The following RTEL1 variants were observed in gnomAD, a reference collection of about 807,000 sequenced individuals.
RTEL1 encodes regulator of telomere length.
RTEL1 carries 86 observed loss-of-function variants against 162.2 expected under a neutral mutation model. That is an observed-to-expected ratio of 0.53 (90% confidence interval 0.45 to 0.63). The LOEUF is 0.63. Among genes scored for constraint, RTEL1 ranks in the 30% least tolerant of loss-of-function variants. The pLI, the probability that RTEL1 is intolerant of heterozygous loss-of-function variation, is 0.00. For synonymous variants in RTEL1, 958 were observed against 717.9 expected (o/e 1.33, Z -5.35); for missense variants, 1,941 against 1,750.2 (o/e 1.11, Z -1.95).
In RTEL1 at chr20:63,691,770, T is replaced by C. The variant is rs765909720; in HGVS notation, c.2585T>C (p.Leu862Pro). The change falls in exon 28 of 35, where the codon CTG becomes CCG. Residue 862 changes from leucine to proline, a missense_variant. Leu to Pro is a moderately conservative substitution (Grantham distance 98). Transcript: ENST00000360203. ...QAHSCSTLSL[L>P]SEKRPAEEPR... is the part of the protein sequence containing the mutation. ...CACAGCTGCTCCACCCTGTCCCTCC[T>C]GTCTGAGAAGAGGCCGGCAGAAGAA... The C allele has an allele frequency of 6.2e-7, 1 of 1,612,476 alleles. No homozygotes were observed. Among genetic ancestry groups the C allele is most frequent in the Non-Finnish European group, 8.5e-7 (1 of 1,179,802 alleles).
rs2090950077 is a variant in RTEL1 at position 63,695,319 on chromosome 20, T to C, written c.3500-9T>C. On this transcript the variant is annotated splice_polypyrimidine_tract_variant and intron_variant, in intron 33 of 34. Coordinates refer to ENST00000360203, the MANE Select transcript of RTEL1 (RefSeq NM_001283009.2). ...CAGGCCCCCCTCAGACTCAAGTCTC[T>C]GTCTCCAGGCCCCTCACGGTCCGAG... The C allele has an allele frequency of 6.4e-7, 1 of 1,571,214 alleles. No individual in the cohort carries two copies. Among genetic ancestry groups the C allele is most frequent in the African/African-American group, 1.4e-5 (1 of 73,900 alleles).
At chr20:63,675,361 C>T (rs551933114) in intron 10 of RTEL1, among the ~76,000 whole-genome samples, 19 of 152,304 alleles carry the variant, frequency 1.2e-4, no homozygotes, top group African/African-American at 2.2e-4. Context: ...CACATGTGGA[C>T]GGACACCACG....
chr20:63,695,850 C>A lies in RTEL1; in HGVS notation c.3895C>A (p.Pro1299Thr). The A allele has an allele frequency of 6.3e-7, 1 of 1,589,756 alleles. No individual in the cohort carries two copies. Among genetic ancestry groups the A allele is most frequent in the South Asian group, 1.1e-5 (1 of 87,702 alleles). The part of the protein sequence containing the change: ...QSVMQVFWPE[P>T]Q ...CGTCATGCAGGTCTTCTGGCCAGAG[C>A]CCCAGTGAGTGCCCACGGAGGCCCC... The change falls in exon 35 of 35, where the codon CCC (proline) becomes ACC (threonine). Residue 1299 changes from proline to threonine, a missense_variant. By Grantham distance (38) the Pro-to-Thr change is conservative (BLOSUM62 -1). Transcript: ENST00000360203.
intron 10 of RTEL1, among the ~76,000 whole-genome samples, chr20:63,676,799 G>A (rs1349047159): frequency 1.3e-5 from 2 of 152,180 alleles, no homozygotes; most frequent in Admixed American, 6.5e-5. Context: ...GCCAGGTGTG[G>A]TGGTGCATGC....
At chr20:63,690,037 A>G in intron 24 of RTEL1, 50 bp from the exon 25 acceptor site, 2 of 1,591,654 alleles carry the variant, frequency 1.3e-6, no homozygotes, top group East Asian at 2.2e-5. Flanking sequence ...GGTGAACTGA[A>G]CCCTTGAAGC....
At chr20:63,690,751 G>T (rs922734320) in intron 26 of RTEL1, 54 bp from the exon 27 acceptor site, 26 of 1,538,692 alleles carry the variant, frequency 1.7e-5, no homozygotes, top group Non-Finnish European at 2.3e-5. Context: ...CACAGGCAGG[G>T]ACCCCAGCTG....
upstream of RTEL1, chr20:63,658,223 G>T (rs1032193751): frequency 6.6e-6 from 1 of 152,268 alleles, no homozygotes. Context: ...CGCCGTGTAG[G>T]CCTGGAGGAG....
chr20:63,678,069 G>A, intron 10 of RTEL1, 76 bp from the exon 11 acceptor site: 4 of 1,556,048 alleles, frequency 2.6e-6, no homozygotes, highest in South Asian at 2.2e-5. Context: ...TCCATGCCAG[G>A]AATCCTGGTT....
intron 14 of RTEL1, chr20:63,681,152 C>G: frequency 1.0e-6 from 1 of 985,378 alleles, no homozygotes; most frequent in Non-Finnish European, 1.2e-6. Flanking sequence ...GCAGGGGTGT[C>G]CCTGGGAGCC....
intron 21 of RTEL1, 68 bp downstream of exon 21, chr20:63,688,673 C>T: frequency 1.4e-6 from 2 of 1,436,100 alleles, no homozygotes; most frequent in East Asian, 2.4e-5. Flanking sequence ...ACAGCTTCCC[C>T]AAGGCTGACC....
intron 14 of RTEL1, among the ~76,000 whole-genome samples, chr20:63,683,619 C>T (rs1482111205): frequency 2.0e-5 from 3 of 152,230 alleles, no homozygotes; most frequent in Admixed American, 6.5e-5. Flanking sequence ...CTCCGCATTT[C>T]TGTGAATGAT....
chr20:63,690,377 C>T lies in RTEL1; in HGVS notation c.2349C>T (p.Phe783=), dbSNP rs200068703. Residue 783 remains phenylalanine (F), a synonymous_variant, in exon 26 of 35, where the codon TTC becomes TTT. Coordinates refer to ENST00000360203, the MANE Select transcript of RTEL1 (RefSeq NM_001283009.2). ...GCGAGGCCAAGTCGCCTGGCCCCTT[C>T]TTCTCCACCAGGAAAGCTAAGAGTC... is the stretch of plus-strand genomic sequence containing the variant. The part of the protein sequence containing the change: ...AVSEAKSPGP[F]FSTRKAKSLD... 2.6e-4 allele frequency: 423 copies of T among 1,611,668 alleles called. 2 individuals carry two copies. Among genetic ancestry groups the T allele is most frequent in the Non-Finnish European group, 7.5e-5 (89 of 1,179,352 alleles).
chr20:63,661,759 C>G lies in RTEL1; in HGVS notation c.302-91C>G, dbSNP rs2090024881. ...GGGGTGTCAGATTCTTGGCTGTCTG[C>G]AGGGCCGAGTTAGCCGAATGCCACC... On this transcript the variant is annotated intron_variant, in intron 3 of 34. Transcript: ENST00000360203. This position sits in a 1 kb window ranked among gnomAD's most constrained non-coding sequence, Gnocchi z 5.1. 1 of 1,175,006 alleles carries G rather than the reference C, an allele frequency of 8.5e-7. No individual in the cohort carries two copies. 72.8% of individuals were successfully genotyped at this position (1,175,006 alleles called of 1,614,324 possible). A position where few individuals can be genotyped will look rare whatever the true frequency, so the allele number is the denominator to read the frequency against.
rs2090662995 is a variant in RTEL1, at chr20:63,689,047, C to T, written c.1801-8C>T. 1.2e-6 allele frequency: 2 copies of T among 1,610,090 alleles called. No homozygotes were observed. Among genetic ancestry groups the T allele is most frequent in the Admixed American group, 1.7e-5 (1 of 59,984 alleles). ...CTCCAGGCTCAGCCTCACCAACTTT[C>T]CTTCCAGACCATCAGTGCTTACTAT... On this transcript the variant is annotated splice_polypyrimidine_tract_variant and splice_region_variant and intron_variant, in intron 21 of 34. Coordinates refer to ENST00000360203, the MANE Select transcript of RTEL1 (RefSeq NM_001283009.2).
chr20:63,680,744 C>T, intron 14 of RTEL1, 25 bp downstream of exon 14: 8 of 1,613,074 alleles, frequency 5.0e-6, no homozygotes, highest in Non-Finnish European at 6.8e-6. Context: ...TCTGTGGCAT[C>T]TCCTTCCCTG....
chr20:63,694,967 G>A lies in RTEL1; in HGVS notation c.3336G>A (p.Leu1112=). The part of the protein sequence containing the change: ...LTTAKPEDFP[L]LHRFSMFVRP... Reference sequence around the variant, plus strand: ...CTGCAAAGCCAGAGGACTTCCCCCTGCTGCACAGCAAGTGGCCCTGGCGTG... The same window carrying A: ...CTGCAAAGCCAGAGGACTTCCCCCTACTGCACAGCAAGTGGCCCTGGCGTG... Residue 1112 remains leucine, a synonymous_variant, in exon 32 of 35, where the codon CTG becomes CTA. Transcript: ENST00000360203. The A allele has an allele frequency of 1.2e-6, 2 of 1,612,392 alleles. No homozygotes were observed. Among genetic ancestry groups the A allele is most frequent in the Non-Finnish European group, 1.7e-6 (2 of 1,179,794 alleles).
intron 10 of RTEL1, among the ~76,000 whole-genome samples, chr20:63,677,590 G>T (rs1434951626): frequency 6.6e-6 from 1 of 152,236 alleles, no homozygotes; most frequent in Non-Finnish European, 1.5e-5. Context: ...CCCTGCCTGG[G>T]TGACAGAGTG....
intron 26 of RTEL1, 75 bp downstream of exon 26, chr20:63,690,516 C>T: frequency 7.1e-7 from 1 of 1,411,884 alleles, no homozygotes; most frequent in Admixed American, 2.6e-5. Context: ...GCACCAGGCG[C>T]CCAGGGCGGA....
intron 30 of RTEL1, among the ~76,000 whole-genome samples, 160 bp downstream of exon 30, chr20:63,693,443 CA>C (rs2090825586): frequency 7.1e-6 from 1 of 141,622 alleles, no homozygotes; most frequent in Admixed American, 7.2e-5. Context: ...CCACCAGCAC[CA>C]GCAGCACCAC....
Sources: gnomAD v4.1 joint callset for allele counts (sites outside exome capture counted in the v4.1 genomes callset) on GRCh38, gnomAD v4.1.1 for gene constraint, Gnocchi (gnomAD v3.1) non-coding constraint, MANE v1.5 for transcripts, NCBI Gene and HGNC (gene_info 2026-07-23, HGNC 2026-07-21) for gene names.